Variants in RBM19 observed in about 807,000 individuals in gnomAD.
The protein encoded by RBM19 is probable RNA-binding protein 19.
Under a neutral mutation model 116.8 loss-of-function variants are expected in RBM19, and 94 were observed. That is an observed-to-expected ratio of 0.80 (90% confidence interval 0.68 to 0.95). The LOEUF (loss-of-function observed/expected upper bound fraction) is 0.95, where lower values mean the gene tolerates loss of function less well. Ranked by LOEUF, RBM19 falls within the 40% of genes least tolerant of loss-of-function variation. RBM19 has a pLI of 0.00. For synonymous variants in RBM19, 475 were observed against 494.1 expected (o/e 0.96, Z 0.51); for missense variants, 1,161 against 1,220.7 (o/e 0.95, Z 0.73).
intron 21 of RBM19, among the ~76,000 whole-genome samples, chr12:113,889,673 C>CA (rs374167674): frequency 0.07 from 2,335 of 33,350 alleles, 26 homozygotes; most frequent in African/African-American, 0.22. Context: ...AAACAAACAA[C>CA]AAAAAAAAAA....
intron 23 of RBM19, among the ~76,000 whole-genome samples, chr12:113,824,677 G>A (rs1263212965): frequency 6.6e-6 from 1 of 152,108 alleles, no homozygotes; most frequent in East Asian, 1.9e-4. Context: ...CTAGCACAGT[G>A]CCTGGCCCAG....
At chr12:113,868,917 G>A (rs1006568544) in intron 21 of RBM19, among the ~76,000 whole-genome samples, 1 of 152,184 alleles carries the variant, frequency 6.6e-6, no homozygotes, top group African/African-American at 2.4e-5. Context: ...TCAGATCCCA[G>A]CCCGGCACCT....
In RBM19 at chr12:113,959,340, G is replaced by A; in HGVS notation, c.443C>T (p.Thr148Ile). ...SVHQRRAQAA[T>I]WANDGLDAEP... ...AGCATCCAGGCCATCATTCGCCCAA[G>A]TGGCTGCCTGCGCCCGCCTCTGATG... The change falls in exon 5 of 24, where the codon ACT (threonine) becomes ATT (isoleucine). Residue 148 changes from threonine (T) to isoleucine (I), a missense_variant. Transcript: ENST00000261741. 4 of 1,613,622 alleles carry A rather than the reference G, an allele frequency of 2.5e-6. No homozygotes were observed. Among genetic ancestry groups the A allele is most frequent in the Non-Finnish European group, 3.4e-6 (4 of 1,179,538 alleles).
At chr12:113,919,540 C>T (rs1470081211) in intron 19 of RBM19, among the ~76,000 whole-genome samples, 1 of 152,178 alleles carries the variant, frequency 6.6e-6, no homozygotes, top group African/African-American at 2.4e-5. Context: ...CACTGCACTC[C>T]AGCCTGGGCG....
intron 10 of RBM19, 102 bp from the exon 11 acceptor site, chr12:113,947,566 G>C: frequency 7.6e-7 from 1 of 1,315,664 alleles, no homozygotes; most frequent in South Asian, 1.7e-5. Flanking sequence ...CAGGTCATGG[G>C]TGTCATTTCC....
At chr12:113,818,808 A>C (rs1874231253), downstream of RBM19, among the ~76,000 whole-genome samples, 3 of 151,332 alleles carry the variant, frequency 2.0e-5, no homozygotes, top group African/African-American at 7.3e-5. Flanking sequence ...ACTGTCTCTC[A>C]CTCCTGTCCC....
chr12:113,922,974 G>T (rs1159801906), intron 18 of RBM19, among the ~76,000 whole-genome samples: 4 of 152,070 alleles, frequency 2.6e-5, no homozygotes, highest in African/African-American at 7.2e-5. Context: ...TCTCTACCAA[G>T]AATACAAAAA....
chr12:113,918,351 C>A (rs1230293947), intron 20 of RBM19, 41 bp downstream of exon 20: 4 of 1,610,278 alleles, frequency 2.5e-6, no homozygotes, highest in Admixed American at 1.7e-5. Flanking sequence ...CACAGGAAGC[C>A]CCAGCTCGTA....
intron 22 of RBM19, among the ~76,000 whole-genome samples, chr12:113,847,689 T>C (rs531444050): frequency 3.9e-5 from 6 of 152,134 alleles, no homozygotes; most frequent in Admixed American, 1.3e-4. Flanking sequence ...CGGAATAAGA[T>C]CCCAGGAGGT....
In RBM19 at chr12:113,962,298, G is replaced by A. The variant is rs772656266; in HGVS notation, c.153C>T (p.Ser51=). Residue 51 remains serine, a synonymous_variant, in exon 2 of 24, where the codon TCC becomes TCT. Coordinates refer to ENST00000261741, the MANE Select transcript of RBM19 (RefSeq NM_016196.4). ...FRKFGFIGFK[S]EEEAQKAQKH... ...TCTGTGCCTTCTGGGCCTCTTCCTCGGACTTGAAGCCAATAAAACCAAACT... is the reference window on the plus strand; with the variant it reads ...TCTGTGCCTTCTGGGCCTCTTCCTCAGACTTGAAGCCAATAAAACCAAACT... 45 of 1,614,096 alleles carry A rather than the reference G, an allele frequency of 2.8e-5. No individual in the cohort carries two copies. Among genetic ancestry groups the A allele is most frequent in the Non-Finnish European group, 3.6e-5 (43 of 1,180,048 alleles).
At chr12:113,827,236 G>A (rs1157157936) in intron 23 of RBM19, among the ~76,000 whole-genome samples, 3 of 152,102 alleles carry the variant, frequency 2.0e-5, no homozygotes, top group Non-Finnish European at 4.4e-5. Context: ...AGCTGCACCC[G>A]AAGATAAACA....
chr12:113,962,204 G>A (rs746142408), intron 2 of RBM19, 28 bp downstream of exon 2: 1 of 1,610,562 alleles, frequency 6.2e-7, no homozygotes, highest in Non-Finnish European at 8.5e-7. Flanking sequence ...TTGACAGGAA[G>A]GTAAGGGTGA....
intron 21 of RBM19, among the ~76,000 whole-genome samples, chr12:113,913,750 T>C (rs4767161): frequency 0.87 from 132,036 of 152,260 alleles, 57,348 homozygotes; most frequent in East Asian, 0.99. Context: ...GCTTCACTCT[T>C]GGACCCTTGT....
At chr12:113,946,611 C>T in intron 11 of RBM19, 136 bp from the exon 12 acceptor site, 1 of 1,182,618 alleles carries the variant, frequency 8.5e-7, no homozygotes, top group Non-Finnish European at 1.2e-6. Context: ...GGAGGGAGGT[C>T]AGGTAGAACG....
chr12:113,863,237 GGGGCCAGCGTA>G (rs1466443107), intron 21 of RBM19, among the ~76,000 whole-genome samples: 2 of 121,020 alleles, frequency 1.7e-5, no homozygotes, highest in Admixed American at 8.7e-5. Context: ...GTGTGTGTGT[GGGGCCAGCGTA>G]TGGGTGGGTG....
At chr12:113,857,484 G>A (rs1468377921) in intron 22 of RBM19, among the ~76,000 whole-genome samples, 3 of 152,226 alleles carry the variant, frequency 2.0e-5, no homozygotes, top group African/African-American at 4.8e-5. Context: ...GCAGCCCTCC[G>A]CTGCTGCCCT....
intron 21 of RBM19, among the ~76,000 whole-genome samples, chr12:113,906,896 T>C (rs1453766721): frequency 2.0e-5 from 3 of 152,000 alleles, no homozygotes; most frequent in Non-Finnish European, 2.9e-5. Context: ...CTCGATGCAA[T>C]GCCCGGTGTC....
chr12:113,828,959 C>A (rs1875123169), intron 23 of RBM19, among the ~76,000 whole-genome samples: 1 of 152,004 alleles, frequency 6.6e-6, no homozygotes, highest in Non-Finnish European at 1.5e-5. Context: ...TAAGACCAAG[C>A]CAATGTCCCT....
chr12:113,900,759 C>G (rs1000641390), intron 21 of RBM19, among the ~76,000 whole-genome samples: 4 of 152,224 alleles, frequency 2.6e-5, no homozygotes, highest in Admixed American at 2.6e-4. Flanking sequence ...AGTGGCACTT[C>G]TCTTGGCTTG....
Sources: allele counts gnomAD v4.1 joint callset (sites outside exome capture counted in the v4.1 genomes callset), GRCh38; gene constraint gnomAD v4.1.1; transcripts MANE v1.5; gene names NCBI Gene and HGNC (gene_info 2026-07-23, HGNC 2026-07-21).